BFAR: variants seen among roughly 807,000 people sequenced by gnomAD.
BFAR encodes the protein RING finger protein 47.
BFAR carries 52 observed loss-of-function variants against 54.4 expected under a neutral mutation model. The observed-to-expected ratio is 0.96, with a 90% CI of 0.77 to 1.21. The LOEUF is 1.21. Among genes scored for constraint, BFAR ranks in the 50% most tolerant of loss-of-function variants. BFAR has a pLI of 0.00. For missense variants in BFAR, 571 were observed against 534.0 expected (o/e 1.07, Z -0.68); for synonymous variants, 215 against 204.3 (o/e 1.05, Z -0.45).
At chr16:14,638,676 T>C (rs895151290) in intron 1 of BFAR, among the ~76,000 whole-genome samples, 1 of 152,236 alleles carries the variant, frequency 6.6e-6, no homozygotes, top group African/African-American at 2.4e-5. Flanking sequence ...CTGGGTGCAG[T>C]GGCTCACGCC....
chr16:14,643,505 T>C (rs1441196994), intron 1 of BFAR, among the ~76,000 whole-genome samples: 2 of 152,200 alleles, frequency 1.3e-5, no homozygotes, highest in Admixed American at 6.5e-5. Flanking sequence ...AATTGAATGC[T>C]GATTATGTGG....
intron 1 of BFAR, among the ~76,000 whole-genome samples, chr16:14,635,063 G>A (rs1408934711): frequency 1.3e-5 from 2 of 152,170 alleles, no homozygotes; most frequent in Admixed American, 6.6e-5. Flanking sequence ...GGCCAGGCAC[G>A]GTGGCTCACT....
chr16:14,641,591 G>C (rs1439777925), intron 1 of BFAR, among the ~76,000 whole-genome samples: 1 of 151,426 alleles, frequency 6.6e-6, no homozygotes, highest in East Asian at 1.9e-4. Context: ...GCCGGACATG[G>C]TGGCTCACGC....
In BFAR at chr16:14,667,983, C is replaced by A; in HGVS notation, c.*156C>A. On this transcript the variant is annotated 3_prime_UTR_variant, in exon 8 of 8. Coordinates refer to ENST00000261658, the MANE Select transcript of BFAR (RefSeq NM_016561.3). ...AAAGCTCCAACCATGTCCTCTCCCC[C>A]TCAGCCTGTGGGTGGCACGAGCAAG... The A allele has an allele frequency of 2.6e-6, 2 of 761,670 alleles. No individual in the cohort carries two copies. Among genetic ancestry groups the A allele is most frequent in the East Asian group, 2.7e-5 (1 of 37,660 alleles). The allele number at this position is 761,670 out of a possible 1,614,324, so 47.2% of individuals were successfully genotyped here. A position where few individuals can be genotyped will look rare whatever the true frequency, so the allele number is the denominator to read the frequency against.
At chr16:14,656,733 G>A (rs922622484) in intron 5 of BFAR, among the ~76,000 whole-genome samples, 1 of 152,138 alleles carries the variant, frequency 6.6e-6, no homozygotes, top group Admixed American at 6.6e-5. Context: ...CCCCTCATTA[G>A]GAACAAGTTG....
chr16:14,664,390 CAAAAAAAA>C (rs753783830), intron 6 of BFAR, among the ~76,000 whole-genome samples: 2 of 58,100 alleles, frequency 3.4e-5, no homozygotes, highest in African/African-American at 1.2e-4. Context: ...GACTCCGTCT[CAAAAAAAA>C]AAAAAAAAAA....
intron 1 of BFAR, among the ~76,000 whole-genome samples, chr16:14,639,278 G>A (rs1173470409): frequency 2.0e-5 from 3 of 151,832 alleles, no homozygotes; most frequent in South Asian, 2.1e-4. Context: ...GAATAGCCAC[G>A]TTCATCCCAG....
At chr16:14,651,506 G>C (rs1959966363) in intron 4 of BFAR, among the ~76,000 whole-genome samples, 1 of 152,066 alleles carries the variant, frequency 6.6e-6, no homozygotes, top group South Asian at 2.1e-4. Flanking sequence ...TTTTCAGACA[G>C]GGTCTCACTC....
At chr16:14,665,715 A>G (rs1320786898) in intron 7 of BFAR, among the ~76,000 whole-genome samples, 1 of 149,478 alleles carries the variant, frequency 6.7e-6, no homozygotes, top group Non-Finnish European at 1.5e-5. Flanking sequence ...CTCTTACACA[A>G]GAAACATTAG....
Position 14,640,915 on chromosome 16 carries a change from A to T in BFAR, c.-73-3359A>T, listed in dbSNP as rs556651425. Among the ~76,000 whole-genome samples, 5 of 152,294 alleles carry T rather than the reference A, an allele frequency of 3.3e-5. No homozygotes were observed. The East Asian group carries it at 9.6e-4, about 29-fold the overall frequency. ...CAGACTTCCCGAGGCATCTCTCCAG[A>T]TACCAGTTGTAGACCCAACTTTTTA... On this transcript the variant is annotated intron_variant, in intron 1 of 7. Transcript: ENST00000261658.
intron 3 of BFAR, 31 bp from the exon 4 acceptor site, chr16:14,649,773 A>G (rs780028803): frequency 1.3e-6 from 2 of 1,549,102 alleles, no homozygotes; most frequent in East Asian, 2.3e-5. Context: ...CTGCCTCTCC[A>G]TGGTTTAAAG....
rs1596988683 is a variant in BFAR at position 14,658,442 on chromosome 16, C to T, written c.783+3232C>T. Among the ~76,000 whole-genome samples, 4 of 152,250 alleles carry T rather than the reference C, an allele frequency of 2.6e-5. 1 individual carries two copies. The Middle Eastern group carries it at 0.014, about 518-fold the overall frequency. Reference sequence around the variant, plus strand: ...TCTTGAACATGATTGACATAACTGCCAGCATCTGTGTCTGCAGTTCCATTT... The same window carrying T: ...TCTTGAACATGATTGACATAACTGCTAGCATCTGTGTCTGCAGTTCCATTT... On this transcript the variant is annotated intron_variant, in intron 5 of 7. Transcript: ENST00000261658.
intron 1 of BFAR, among the ~76,000 whole-genome samples, chr16:14,638,926 C>T (rs1213766645): frequency 6.7e-6 from 1 of 148,676 alleles, no homozygotes; most frequent in Admixed American, 6.8e-5. Flanking sequence ...GCTTGGGCAA[C>T]AGAGTAAGAC....
chr16:14,664,500 A>G (rs1223570327), intron 6 of BFAR, among the ~76,000 whole-genome samples: 1 of 151,018 alleles, frequency 6.6e-6, no homozygotes, highest in East Asian at 1.9e-4. Flanking sequence ...ACTCACTGTG[A>G]TCATCACAAT....
chr16:14,654,594 G>A (rs1232821176), intron 4 of BFAR, among the ~76,000 whole-genome samples: 2 of 137,620 alleles, frequency 1.5e-5, no homozygotes, highest in East Asian at 2.4e-4. Context: ...TGCAACCTCC[G>A]CCTCCCAGGT....
chr16:14,665,471 A>T (rs376095663), intron 7 of BFAR, among the ~76,000 whole-genome samples: 3 of 152,194 alleles, frequency 2.0e-5, no homozygotes, highest in African/African-American at 7.2e-5. Context: ...TGGCAAATTC[A>T]GTTTCTCAGA....
In BFAR at chr16:14,664,259, T is replaced by C. The variant is rs142084701; in HGVS notation, c.958-610T>C. ...CAGAACAATTGCTTAGGGTCGGGAT[T>C]TATGGTAAGTACGAGAACATACTCA... On this transcript the variant is annotated intron_variant, in intron 6 of 7. Transcript: ENST00000261658. Among the ~76,000 whole-genome samples the C allele has an allele frequency of 9.2e-3, 1,403 of 151,812 alleles. 24 individuals are homozygous for C. The highest frequency in any genetic ancestry group is 0.032 in the African/African-American group (1,314 of 41,382).
At chr16:14,645,510 G>A (rs1358335030) in intron 2 of BFAR, among the ~76,000 whole-genome samples, 3 of 152,096 alleles carry the variant, frequency 2.0e-5, no homozygotes, top group Non-Finnish European at 4.4e-5. Context: ...GGCTCATAAT[G>A]TACCTGTGAA....
intron 1 of BFAR, chr16:14,633,257 A>C (rs1326671346): frequency 6.6e-6 from 1 of 152,294 alleles, no homozygotes; most frequent in African/African-American, 2.4e-5. Flanking sequence ...ACGTCCGCAC[A>C]GCCGGTCGCT....
Sources: allele counts gnomAD v4.1 joint callset (sites outside exome capture counted in the v4.1 genomes callset), GRCh38; gene constraint gnomAD v4.1.1; transcripts MANE v1.5; gene names NCBI Gene and HGNC (gene_info 2026-07-23, HGNC 2026-07-21).